The following LRRC4C variants were observed in gnomAD, a reference collection of about 807,000 sequenced individuals.
LRRC4C encodes the protein leucine rich repeat containing 4C.
A neutral mutation model predicts 33.6 loss-of-function variants in LRRC4C; 5 were observed. The observed-to-expected ratio is 0.15, with a 90% confidence interval of 0.08 to 0.31. The LOEUF (loss-of-function observed/expected upper bound fraction) is 0.31, where lower values mean the gene tolerates loss of function less well. Among genes scored for constraint, LRRC4C ranks in the 10% least tolerant of loss-of-function variants. LRRC4C has a pLI of 1.00. For missense variants in LRRC4C, 560 were observed against 796.7 expected (o/e 0.70, Z 3.58); for synonymous variants, 329 against 302.0 (o/e 1.09, Z -0.93).
intron 3 of LRRC4C, among the ~76,000 whole-genome samples, chr11:40,420,949 C>T (rs1020738462): frequency 6.6e-6 from 1 of 152,136 alleles, no homozygotes; most frequent in African/African-American, 2.4e-5. Context: ...ATCATTGTCA[C>T]CCTCATGGTC....
chr11:40,451,172 C>G (rs1447806958), intron 3 of LRRC4C, among the ~76,000 whole-genome samples: 1 of 150,540 alleles, frequency 6.6e-6, no homozygotes, highest in Non-Finnish European at 1.5e-5. Context: ...TAATAAAGAT[C>G]AGAGCAAAAG....
intron 3 of LRRC4C, among the ~76,000 whole-genome samples, chr11:40,324,727 T>A (rs577168429): frequency 6.6e-6 from 1 of 152,292 alleles, no homozygotes; most frequent in African/African-American, 2.4e-5. Context: ...TAAATACAAA[T>A]ATTTACAGAT....
At chr11:40,351,039 C>T (rs1011076236) in intron 3 of LRRC4C, among the ~76,000 whole-genome samples, 4 of 151,808 alleles carry the variant, frequency 2.6e-5, no homozygotes, top group African/African-American at 9.7e-5. Flanking sequence ...AACAAAGATA[C>T]TTTTACTTCT....
chr11:40,837,664 A>G (rs1334026368), intron 2 of LRRC4C, among the ~76,000 whole-genome samples: 1 of 113,666 alleles, frequency 8.8e-6, no homozygotes, highest in East Asian at 2.6e-4. Flanking sequence ...ACATATGGAG[A>G]CCCTGTCTCT....
intron 2 of LRRC4C, among the ~76,000 whole-genome samples, chr11:40,760,934 G>T (rs1949184765): frequency 6.7e-6 from 1 of 148,206 alleles, no homozygotes; most frequent in Non-Finnish European, 1.5e-5. Flanking sequence ...CAGAGTTTCT[G>T]GTCTCAAACT....
At chr11:40,767,581 C>G (rs755920752) in intron 2 of LRRC4C, among the ~76,000 whole-genome samples, 4 of 151,984 alleles carry the variant, frequency 2.6e-5, no homozygotes, top group Admixed American at 6.6e-5. Flanking sequence ...AGCCATAAAA[C>G]AAGTCTTAGG....
chr11:40,197,713 T>G (rs138373554), intron 5 of LRRC4C, among the ~76,000 whole-genome samples: 2 of 152,308 alleles, frequency 1.3e-5, no homozygotes, highest in African/African-American at 4.8e-5. Flanking sequence ...TAGCAATCAC[T>G]TTGTTTCATA....
In LRRC4C at chr11:40,116,110, A is replaced by G; in HGVS notation, c.183T>C (p.Ile61=). The change falls in exon 7 of 7, where the codon ATT becomes ATC. Residue 61 remains isoleucine (I), a synonymous_variant. Transcript: ENST00000528697. ...CCTCACGCAGGTTTTTCCGAACACA[A>G]ATCACCTTGCTGAACTGGTTGCTGC... ...CSCSNQFSKV[I]CVRKNLREVP... is the part of the protein sequence containing the mutation. The G allele has an allele frequency of 6.2e-7, 1 of 1,614,060 alleles. No individual in the cohort carries two copies. Among genetic ancestry groups the G allele is most frequent in the East Asian group, 2.2e-5 (1 of 44,854 alleles).
intron 1 of LRRC4C, among the ~76,000 whole-genome samples, chr11:41,412,042 A>G (rs1197519050): frequency 6.6e-6 from 1 of 152,256 alleles, no homozygotes; most frequent in African/African-American, 2.4e-5. Context: ...ATACAGGTAC[A>G]TGACAGTAAT....
At chr11:41,353,003 T>G (rs937008834) in intron 1 of LRRC4C, among the ~76,000 whole-genome samples, 1 of 151,870 alleles carries the variant, frequency 6.6e-6, no homozygotes, top group Non-Finnish European at 1.5e-5. Flanking sequence ...GCTAGCAGAC[T>G]TTTTCAGCAG....
intron 1 of LRRC4C, among the ~76,000 whole-genome samples, chr11:40,964,435 A>G (rs1851192089): frequency 6.6e-6 from 1 of 151,830 alleles, no homozygotes; most frequent in Non-Finnish European, 1.5e-5. Context: ...TTTGTTACAT[A>G]TGTAAACATA....
At chr11:40,136,529 G>C (rs1297578934) in intron 6 of LRRC4C, among the ~76,000 whole-genome samples, 1 of 151,502 alleles carries the variant, frequency 6.6e-6, no homozygotes, top group Admixed American at 6.6e-5. Flanking sequence ...GCCCACCTCG[G>C]CCTCCCAAAG....
At chr11:40,817,456 C>T (rs1226684728) in intron 2 of LRRC4C, among the ~76,000 whole-genome samples, 1 of 152,090 alleles carries the variant, frequency 6.6e-6, no homozygotes, top group Admixed American at 6.6e-5. Context: ...TGCATCATAA[C>T]GGTTATTCTG....
intron 1 of LRRC4C, among the ~76,000 whole-genome samples, chr11:41,165,737 A>C (rs1436815495): frequency 3.9e-5 from 6 of 152,154 alleles, no homozygotes; most frequent in Non-Finnish European, 2.9e-5. Context: ...GTTTGTAAAA[A>C]CTTAAAAAGG....
chr11:40,634,943 C>A (rs1963824450), intron 3 of LRRC4C, among the ~76,000 whole-genome samples: 1 of 151,576 alleles, frequency 6.6e-6, no homozygotes, highest in African/African-American at 2.4e-5. Flanking sequence ...ATTTGGCTAG[C>A]AAAAACTTAG....
At chr11:40,126,733 G>A (rs1376964249) in intron 6 of LRRC4C, among the ~76,000 whole-genome samples, 1 of 152,008 alleles carries the variant, frequency 6.6e-6, no homozygotes, top group African/African-American at 2.4e-5. Flanking sequence ...GGTCAGGGTG[G>A]GCAAATCACC....
intron 2 of LRRC4C, among the ~76,000 whole-genome samples, chr11:40,781,449 A>T (rs559012714): frequency 1.3e-5 from 2 of 152,312 alleles, no homozygotes; most frequent in East Asian, 3.9e-4. Context: ...TGCCTGCTAT[A>T]GCACAACATT....
intron 3 of LRRC4C, among the ~76,000 whole-genome samples, chr11:40,576,829 C>A (rs1281102180): frequency 6.6e-6 from 1 of 152,156 alleles, no homozygotes; most frequent in Non-Finnish European, 1.5e-5. Flanking sequence ...AGCTTTTCAT[C>A]TTTGTGGGTT....
intron 4 of LRRC4C, among the ~76,000 whole-genome samples, chr11:40,287,347 A>G (rs1943914214): frequency 6.6e-6 from 1 of 151,340 alleles, no homozygotes; most frequent in South Asian, 2.1e-4. Context: ...AAATTCCCCA[A>G]AGCCAGGCTT....
Sources: gnomAD v4.1 joint callset for allele counts (sites outside exome capture counted in the v4.1 genomes callset) on GRCh38, gnomAD v4.1.1 for gene constraint, MANE v1.5 for transcripts, NCBI Gene and HGNC (gene_info 2026-07-23, HGNC 2026-07-21) for gene names.